The following MYH7B variants were observed in gnomAD, a reference collection of about 807,000 sequenced individuals.
MYH7B encodes the protein myosin-7B.
MYH7B carries 205 observed loss-of-function variants against 234.5 expected under a neutral mutation model. The ratio of observed to expected loss-of-function variants is 0.87; its 90% CI spans 0.78 to 0.98. The LOEUF (loss-of-function observed/expected upper bound fraction) is 0.98, where lower values mean the gene tolerates loss of function less well. Ranked by LOEUF, MYH7B falls within the 50% of genes least tolerant of loss-of-function variation. The probability of loss-of-function intolerance (pLI) is 0.00; values close to 1 mark genes in which losing one functional copy is unlikely to be tolerated. For synonymous variants in MYH7B, 1,193 were observed against 1,105.0 expected (o/e 1.08, Z -1.58); for missense variants, 2,652 against 2,633.4 (o/e 1.01, Z -0.15).
intron 2 of MYH7B, among the ~76,000 whole-genome samples, chr20:34,970,535 G>A (rs1310554243): frequency 6.6e-6 from 1 of 151,908 alleles, no homozygotes; most frequent in East Asian, 1.9e-4. Context: ...TGCCTCCCGG[G>A]ATCTATTTCA....
chr20:34,956,069 G>T (rs960720706), intron 1 of MYH7B, 62 bp downstream of exon 1: 3 of 152,346 alleles, frequency 2.0e-5, no homozygotes, highest in African/African-American at 7.2e-5. Flanking sequence ...GGAAACTAAT[G>T]CTCAGAGCGG....
intron 1 of MYH7B, among the ~76,000 whole-genome samples, chr20:34,956,705 A>G (rs535417214): frequency 1.9e-4 from 29 of 152,246 alleles, no homozygotes; most frequent in African/African-American, 7.0e-4. Flanking sequence ...TGAAGGAGGT[A>G]GGGGTAGAGG....
chr20:34,999,012 T>G, intron 35 of MYH7B, 44 bp from the exon 36 acceptor site: 2 of 1,584,244 alleles, frequency 1.3e-6, no homozygotes, highest in South Asian at 2.3e-5. Flanking sequence ...GGGGCTGTTC[T>G]CCCTCCTTCC....
In MYH7B at chr20:34,979,427, C is replaced by CT. The variant is rs1184018681; in HGVS notation, c.130dup (p.Tyr44LeufsTer29). On this transcript the variant is annotated frameshift_variant, in exon 6 of 45. Transcript: ENST00000262873. LOFTEE classifies it high-confidence loss of function. ...TCTGGGTGCCTGATGAACAGGACGCCTACGTGGAGGCCGAGGTCAAGTCGG... is the reference window on the plus strand; with the variant it reads ...TCTGGGTGCCTGATGAACAGGACGCCTTACGTGGAGGCCGAGGTCAAGTCGG... The CT allele has an allele frequency of 3.1e-6, 5 of 1,613,850 alleles. No homozygotes were observed. The highest frequency in any genetic ancestry group is 3.4e-6 in the Non-Finnish European group (4 of 1,179,936).
chr20:34,963,787 C>G (rs939903774), intron 2 of MYH7B, among the ~76,000 whole-genome samples: 2 of 152,082 alleles, frequency 1.3e-5, no homozygotes, highest in Non-Finnish European at 2.9e-5. Context: ...CATTTTTACC[C>G]TCCTATTAGG....
chr20:35,002,019 G>A, exon 44 of MYH7B: 6 of 1,614,046 alleles, frequency 3.7e-6, no homozygotes, highest in Non-Finnish European at 5.1e-6. Flanking sequence ...CGGAGGAGCG[G>A]GCAGACATGG....
chr20:34,977,738 G>A, intron 4 of MYH7B, 58 bp downstream of exon 4: 1 of 317,154 alleles, frequency 3.2e-6, no homozygotes, highest in Non-Finnish European at 5.9e-6. Context: ...GGGCGGGTGG[G>A]TGAGGGTGCC....
chr20:34,989,635 A>C lies in MYH7B; in HGVS notation c.1588-105A>C. The C allele has an allele frequency of 2.7e-6, 3 of 1,115,918 alleles. No individual in the cohort carries two copies. In the South Asian group the frequency reaches 4.9e-5, roughly 18 times the overall value. 69.1% of individuals were successfully genotyped at this position (1,115,918 alleles called of 1,614,324 possible). ...TCCGGGGAGATGGCTGAAGCTGGGGATCTGGGAAGGCTCCCAGAAGGGAGG... is the reference window on the plus strand; with the variant it reads ...TCCGGGGAGATGGCTGAAGCTGGGGCTCTGGGAAGGCTCCCAGAAGGGAGG... On this transcript the variant is annotated intron_variant, in intron 19 of 44. Coordinates refer to ENST00000262873, the Ensembl canonical transcript of MYH7B.
At position 34,999,697 on chromosome 20, in the gene MYH7B, T is replaced by A. The variant is rs1314503417; in HGVS notation, c.4665+2T>A. On this transcript the variant is annotated splice_donor_variant, in intron 37 of 44. Coordinates refer to ENST00000262873, the Ensembl canonical transcript of MYH7B. LOFTEE classifies it high-confidence loss of function. The stretch of plus-strand genomic sequence containing the variant: ...CAGGCTGCACTGGAGGAGGCAGAGG[T>A]CAGGGGCTGGCTGCAGGGGTGGGTG... 2 of 1,611,238 alleles carry A rather than the reference T, an allele frequency of 1.2e-6. No homozygotes were observed. Among genetic ancestry groups the A allele is most frequent in the Non-Finnish European group, 1.7e-6 (2 of 1,179,264 alleles).
chr20:34,996,501 G>C (rs41312284), exon 29 of MYH7B: 3 of 1,611,110 alleles, frequency 1.9e-6, no homozygotes, highest in Non-Finnish European at 2.5e-6. Context: ...CCAAGCTCCG[G>C]CTGGAGCAAC....
chr20:34,975,517 G>C lies in MYH7B; in HGVS notation c.-122+18G>C, dbSNP rs2081840372. 1 of 711,208 alleles carries C rather than the reference G, an allele frequency of 1.4e-6. No individual in the cohort carries two copies. Among genetic ancestry groups the C allele is most frequent in the Admixed American group, 2.0e-5 (1 of 49,222 alleles). The allele number at this position is 711,208 out of a possible 1,614,324, so 44.1% of individuals were successfully genotyped here. On this transcript the variant is annotated intron_variant, in intron 3 of 44. Coordinates refer to ENST00000262873, the Ensembl canonical transcript of MYH7B. ...GACATGAGGTACTGTGCCTGACCCA[G>C]GGTATGTTTACTTTGAGAAAATTCA...
At chr20:34,984,076 G>A (rs2081980058) in intron 10 of MYH7B, among the ~76,000 whole-genome samples, 1 of 152,228 alleles carries the variant, frequency 6.6e-6, no homozygotes, top group Non-Finnish European at 1.5e-5. Flanking sequence ...CTCCTGACTT[G>A]CTGTGTGGCC....
At chr20:34,979,830 C>T (rs2081915458) in intron 7 of MYH7B, 26 bp downstream of exon 7, 5 of 1,560,856 alleles carry the variant, frequency 3.2e-6, no homozygotes, top group Non-Finnish European at 2.6e-6. Context: ...GGGCCATGGG[C>T]GGGGTGGGGC....
intron 43 of MYH7B, 76 bp from the exon 44 acceptor site, chr20:35,001,872 T>TTCTTGGACTGGGGCAGGGACCAGAATAA: frequency 6.4e-7 from 1 of 1,553,738 alleles, no homozygotes. Flanking sequence ...GCTAGCTCCC[T>TTCTTGGACTGGGGCAGGGACCAGAATAA]TCTTGGACTG....
At chr20:34,999,642 A>G (rs983476902) in exon 37 of MYH7B, 10 of 1,613,440 alleles carry the variant, frequency 6.2e-6, no homozygotes, top group Non-Finnish European at 6.8e-6. Flanking sequence ...GAAAACCAAG[A>G]AGGCGCTGGA....
In MYH7B at chr20:34,997,462, T is replaced by C. The variant is rs1234554343; in HGVS notation, c.3569T>C (p.Leu1190Pro). 45 of 1,500,724 alleles carry C rather than the reference T, an allele frequency of 3.0e-5. No homozygotes were observed. Among genetic ancestry groups the C allele is most frequent in the Non-Finnish European group, 4.0e-5 (45 of 1,128,002 alleles). The allele number at this position is 1,500,724 out of a possible 1,614,324, so 93.0% of individuals were successfully genotyped here. ...CGGCGGGAGCTGGAGGAGGCGGCGC[T>C]GCGGCACGAGGCCACAGTGGCGGCA... The change falls in exon 32 of 45, where the codon CTG (leucine) becomes CCG (proline). Residue 1190 changes from leucine to proline, a missense_variant. By Grantham distance (98) the Leu-to-Pro change is moderately conservative (BLOSUM62 -3). This residue lies in a region of MYH7B where 2,279 missense variants were observed against 2,211.4 expected (regional missense o/e 1.03). Transcript: ENST00000262873.
intron 2 of MYH7B, among the ~76,000 whole-genome samples, chr20:34,967,942 T>C (rs999038306): frequency 1.3e-5 from 2 of 152,216 alleles, no homozygotes; most frequent in South Asian, 2.1e-4. Context: ...GTTGGCTGCA[T>C]TGGGCACTGT....
At chr20:34,992,042 C>G (rs956685397) in intron 24 of MYH7B, among the ~76,000 whole-genome samples, 2 of 152,178 alleles carry the variant, frequency 1.3e-5, no homozygotes, top group African/African-American at 4.8e-5. Flanking sequence ...GTGCATGTGT[C>G]CACTTAGAAG....
chr20:34,998,754 G>A, exon 35 of MYH7B: 1 of 1,612,662 alleles, frequency 6.2e-7, no homozygotes, highest in South Asian at 1.1e-5. Context: ...TGCAGGCTCT[G>A]CGGCACGACT....
Sources: allele counts gnomAD v4.1 joint callset (sites outside exome capture counted in the v4.1 genomes callset), GRCh38; gene constraint gnomAD v4.1.1; regional missense constraint gnomAD v4.1.1; transcripts MANE v1.5; gene names NCBI Gene and HGNC (gene_info 2026-07-23, HGNC 2026-07-21).